TANC1: variants seen among roughly 807,000 people sequenced by gnomAD.
The protein encoded by TANC1 is protein TANC1.
In TANC1, 77 loss-of-function variants were observed where a neutral mutation model predicts 149.7. That is an observed-to-expected ratio of 0.51 (90% CI 0.43 to 0.62). The LOEUF is 0.62. Among genes scored for constraint, TANC1 ranks in the 20% least tolerant of loss-of-function variants. The probability of loss-of-function intolerance (pLI) is 0.00; values close to 1 mark genes in which losing one functional copy is unlikely to be tolerated. For missense variants in TANC1, 1,985 were observed against 2,321.8 expected, an observed-to-expected ratio of 0.85 and a Z score of 2.98; for synonymous variants, 854 against 925.0, an observed-to-expected ratio of 0.92 and a Z score of 1.39.
chr2:159,207,751 CT>C (rs1239523759), intron 19 of TANC1, among the ~76,000 whole-genome samples: 2 of 147,582 alleles, frequency 1.4e-5, no homozygotes, highest in Non-Finnish European at 3.0e-5. Flanking sequence ...GCCACACTCC[CT>C]CTAGCTGTGG....
intron 14 of TANC1, among the ~76,000 whole-genome samples, chr2:159,185,503 T>C (rs1230793120): frequency 6.6e-6 from 1 of 152,196 alleles, no homozygotes; most frequent in African/African-American, 2.4e-5. Context: ...GTCCTTTGTC[T>C]ACCCCTAGTG....
chr2:159,018,714 G>A (rs1342120144), intron 2 of TANC1, among the ~76,000 whole-genome samples: 2 of 152,018 alleles, frequency 1.3e-5, no homozygotes, highest in East Asian at 1.9e-4. Context: ...GTGTATCCTA[G>A]GTATTGCGTA....
At chr2:159,206,554 T>C (rs980619936) in intron 19 of TANC1, among the ~76,000 whole-genome samples, 1 of 152,220 alleles carries the variant, frequency 6.6e-6, no homozygotes, top group Non-Finnish European at 1.5e-5. Flanking sequence ...ATCAAGCTGT[T>C]CTTGCTGTAC....
chr2:159,229,535 T>C (rs2060222675), intron 26 of TANC1, 43 bp from the exon 27 acceptor site: 1 of 1,452,982 alleles, frequency 6.9e-7, no homozygotes, highest in Non-Finnish European at 9.5e-7. Context: ...TCTGAGCATG[T>C]TCGTGTGTGG....
chr2:159,210,083 C>T (rs1184453030), intron 19 of TANC1, among the ~76,000 whole-genome samples: 1 of 152,198 alleles, frequency 6.6e-6, no homozygotes, highest in Non-Finnish European at 1.5e-5. Context: ...GCCCTCTCAG[C>T]TAGCAGGAAG....
intron 2 of TANC1, among the ~76,000 whole-genome samples, chr2:159,050,297 A>G (rs903016077): frequency 7.9e-5 from 12 of 152,178 alleles, no homozygotes; most frequent in Non-Finnish European, 8.8e-5. Context: ...TTTTGTAGAA[A>G]CAAAGACTCA....
intron 8 of TANC1, among the ~76,000 whole-genome samples, chr2:159,165,676 G>A (rs145713686): frequency 5.9e-5 from 9 of 152,340 alleles, no homozygotes; most frequent in African/African-American, 2.2e-4. Flanking sequence ...AGAACACTCA[G>A]TGTTAGAAGA....
At chr2:159,155,193 A>C (rs1169958326) in intron 7 of TANC1, among the ~76,000 whole-genome samples, 1 of 152,242 alleles carries the variant, frequency 6.6e-6, no homozygotes, top group East Asian at 1.9e-4. Context: ...TATTAGTTTC[A>C]AGAAAATAGG....
intron 4 of TANC1, among the ~76,000 whole-genome samples, chr2:159,111,381 C>A (rs542235760): frequency 2.0e-5 from 3 of 152,212 alleles, no homozygotes; most frequent in African/African-American, 7.2e-5. Context: ...CACAGGTGCT[C>A]CTTACACAGG....
chr2:159,042,735 A>G (rs748461881), intron 2 of TANC1, among the ~76,000 whole-genome samples: 4 of 151,802 alleles, frequency 2.6e-5, no homozygotes, highest in Admixed American at 6.6e-5. Flanking sequence ...CCAGAGAGAG[A>G]GGGGGTTTCA....
chr2:159,048,407 G>A (rs2041230075), intron 2 of TANC1, among the ~76,000 whole-genome samples: 1 of 152,198 alleles, frequency 6.6e-6, no homozygotes, highest in East Asian at 1.9e-4. Flanking sequence ...TATTAGCTGG[G>A]TGGCCTGAGA....
At chr2:159,096,341 T>C (rs2046137456) in intron 3 of TANC1, among the ~76,000 whole-genome samples, 1 of 151,804 alleles carries the variant, frequency 6.6e-6, no homozygotes, top group African/African-American at 2.4e-5. Flanking sequence ...AGATACTCTT[T>C]CTTGTATATA....
intron 2 of TANC1, among the ~76,000 whole-genome samples, chr2:159,018,867 A>G (rs943028401): frequency 6.6e-6 from 1 of 152,250 alleles, no homozygotes; most frequent in African/African-American, 2.4e-5. Context: ...AAACTTGAGG[A>G]CAAAAAATAA....
intron 3 of TANC1, among the ~76,000 whole-genome samples, chr2:159,079,014 C>T (rs1401710818): frequency 6.6e-6 from 1 of 151,162 alleles, no homozygotes; most frequent in Non-Finnish European, 1.5e-5. Context: ...TTGGGAAATG[C>T]CCATTAAGCA....
At chr2:158,969,335 T>C (rs1299110692) in intron 1 of TANC1, among the ~76,000 whole-genome samples, 1 of 152,230 alleles carries the variant, frequency 6.6e-6, no homozygotes, top group Non-Finnish European at 1.5e-5. Flanking sequence ...GGCATGGTAT[T>C]GCCCCAGTCT....
chr2:159,115,558 A>G (rs1247177128), intron 4 of TANC1, among the ~76,000 whole-genome samples: 2 of 152,200 alleles, frequency 1.3e-5, no homozygotes, highest in Non-Finnish European at 2.9e-5. Flanking sequence ...CTCATGGCAC[A>G]TATAGGAGAT....
intron 7 of TANC1, among the ~76,000 whole-genome samples, chr2:159,159,304 GGT>G (rs2150374225): frequency 6.6e-6 from 1 of 151,890 alleles, no homozygotes; most frequent in East Asian, 1.9e-4. Context: ...AAATTAGCAA[GGT>G]GTGGTACCTG....
chr2:158,995,556 TC>T (rs1318087015), intron 1 of TANC1, among the ~76,000 whole-genome samples: 2 of 151,980 alleles, frequency 1.3e-5, no homozygotes, highest in Admixed American at 1.3e-4. Context: ...AAACTGAGGC[TC>T]CCCATGGCTG....
chr2:158,975,833 CTTTT>C (rs34605981), intron 1 of TANC1, among the ~76,000 whole-genome samples: 28 of 140,186 alleles, frequency 2.0e-4, no homozygotes, highest in East Asian at 4.1e-4. Flanking sequence ...TCTTTCTTAT[CTTTT>C]TTTTTTTTTT....
Sources: gnomAD v4.1 joint callset for allele counts (sites outside exome capture counted in the v4.1 genomes callset) on GRCh38, gnomAD v4.1.1 for gene constraint, MANE v1.5 for transcripts, NCBI Gene and HGNC (gene_info 2026-07-23, HGNC 2026-07-21) for gene names.